The following ADARB2 variants were observed in gnomAD, a reference collection of about 807,000 sequenced individuals.
The protein encoded by ADARB2 is inactive double-stranded RNA-specific editase B2.
A neutral mutation model predicts 62.2 loss-of-function variants in ADARB2; 25 were observed. The ratio of observed to expected loss-of-function variants is 0.40; its 90% CI spans 0.29 to 0.56. The LOEUF is 0.56. Among genes scored for constraint, ADARB2 ranks in the 20% least tolerant of loss-of-function variants. The pLI, the probability that ADARB2 is intolerant of heterozygous loss-of-function variation, is 0.43. For missense variants in ADARB2, 1,071 were observed against 1,077.4 expected (o/e 0.99, Z 0.08); for synonymous variants, 572 against 500.8 (o/e 1.14, Z -1.90).
At chr10:1,333,533 A>C (rs1336106262) in intron 3 of ADARB2, among the ~76,000 whole-genome samples, 1 of 152,164 alleles carries the variant, frequency 6.6e-6, no homozygotes, top group Non-Finnish European at 1.5e-5. Context: ...TAGTCTCTAG[A>C]GGTAATTTTC....
chr10:1,186,403 C>G (rs774530533), intron 8 of ADARB2: 5 of 483,216 alleles, frequency 1.0e-5, no homozygotes, highest in Non-Finnish European at 2.1e-5. Flanking sequence ...CTCCCACTCA[C>G]AGCAGTGGTG....
Position 1,212,326 on chromosome 10 carries a change from T to C in ADARB2, c.1682+4625A>G, listed in dbSNP as rs556988386. On this transcript the variant is annotated intron_variant, in intron 7 of 9. Coordinates refer to ENST00000381312, the MANE Select transcript of ADARB2 (RefSeq NM_018702.4). ...GGTCTGGAATCATTAGCATAACATA[T>C]GCTGCTGCTCAGAAACGGCAAGTGC... 8.5e-5 allele frequency among the ~76,000 whole-genome samples: 13 copies of C among 152,356 alleles called. No homozygotes were observed. In the East Asian group the frequency reaches 2.5e-3, roughly 29 times the overall value.
chr10:1,582,388 C>A (rs1028675346), intron 1 of ADARB2, among the ~76,000 whole-genome samples: 3 of 152,184 alleles, frequency 2.0e-5, no homozygotes, highest in Non-Finnish European at 4.4e-5. Context: ...TAGATCCCTG[C>A]GTTTGACTCC....
intron 1 of ADARB2, among the ~76,000 whole-genome samples, chr10:1,582,280 T>C (rs916376276): frequency 2.0e-5 from 3 of 152,266 alleles, no homozygotes; most frequent in Middle Eastern, 3.4e-3. Flanking sequence ...TACCTGCTGG[T>C]GGCAGAGGGA....
chr10:1,582,605 G>A (rs930626639), intron 1 of ADARB2, among the ~76,000 whole-genome samples: 1 of 152,138 alleles, frequency 6.6e-6, no homozygotes. Context: ...GAATGCAATG[G>A]GTGCACCAAG....
At chr10:1,282,540 T>C (rs1831379682) in intron 3 of ADARB2, among the ~76,000 whole-genome samples, 1 of 152,210 alleles carries the variant, frequency 6.6e-6, no homozygotes, top group Non-Finnish European at 1.5e-5. Flanking sequence ...AGAATTCAGA[T>C]AGGGAGACAT....
intron 1 of ADARB2, among the ~76,000 whole-genome samples, chr10:1,433,106 G>T (rs890737530): frequency 4.6e-5 from 7 of 152,212 alleles, no homozygotes; most frequent in African/African-American, 1.7e-4. Context: ...TAAGCTTTGG[G>T]AATGGAATTA....
chr10:1,342,719 A>C (rs1832041940), intron 3 of ADARB2, among the ~76,000 whole-genome samples: 1 of 152,216 alleles, frequency 6.6e-6, no homozygotes, highest in African/African-American at 2.4e-5. Flanking sequence ...CCTTTTCTGC[A>C]TCTTTGTCCA....
intron 1 of ADARB2, among the ~76,000 whole-genome samples, chr10:1,553,451 C>T (rs574388534): frequency 1.3e-5 from 2 of 152,270 alleles, no homozygotes; most frequent in South Asian, 2.1e-4. Flanking sequence ...TTGGCCTGCT[C>T]CCAGGAAGAG....
intron 1 of ADARB2, among the ~76,000 whole-genome samples, chr10:1,649,760 C>A (rs1834087595): frequency 6.6e-6 from 1 of 152,218 alleles, no homozygotes; most frequent in Non-Finnish European, 1.5e-5. Flanking sequence ...GTTGATGGAG[C>A]TGCTGACTTT....
At chr10:1,737,009 G>T in intron 1 of ADARB2, 42 bp downstream of exon 1, 1 of 1,598,962 alleles carries the variant, frequency 6.3e-7, no homozygotes, top group East Asian at 2.2e-5. Context: ...GAGAAGCCGG[G>T]GGTGAAGGGG....
At chr10:1,455,293 A>T (rs1831083820) in intron 1 of ADARB2, among the ~76,000 whole-genome samples, 2 of 152,346 alleles carry the variant, frequency 1.3e-5, no homozygotes, top group Non-Finnish European at 1.5e-5. Flanking sequence ...AAATGTCTTT[A>T]AAAATAGTCA....
chr10:1,656,506 G>C (rs751498775), intron 1 of ADARB2, among the ~76,000 whole-genome samples: 1 of 151,204 alleles, frequency 6.6e-6, no homozygotes, highest in Non-Finnish European at 1.5e-5. Flanking sequence ...TTGGGGGAAA[G>C]AGAGAGAGGG....
intron 1 of ADARB2, among the ~76,000 whole-genome samples, chr10:1,685,218 G>A (rs991033529): frequency 1.3e-5 from 2 of 152,236 alleles, no homozygotes; most frequent in Admixed American, 6.5e-5. Context: ...GTGAGTGTGT[G>A]TGTGAGTTTG....
At chr10:1,649,106 C>T (rs1257577611) in intron 1 of ADARB2, among the ~76,000 whole-genome samples, 2 of 152,188 alleles carry the variant, frequency 1.3e-5, no homozygotes, top group Non-Finnish European at 2.9e-5. Context: ...GGTGCACAGG[C>T]ACGGACCTCA....
At chr10:1,200,349 A>G (rs1014150233) in intron 7 of ADARB2, 4 of 689,886 alleles carry the variant, frequency 5.8e-6, no homozygotes, top group Admixed American at 4.4e-5. Flanking sequence ...TGGGCTCCAC[A>G]GGCCCATGTG....
intron 8 of ADARB2, chr10:1,186,413 G>A: frequency 2.0e-6 from 1 of 496,070 alleles, no homozygotes; most frequent in Non-Finnish European, 4.0e-6. Flanking sequence ...CAGCAGTGGT[G>A]TTGAGACGCT....
At chr10:1,535,522 A>G (rs909581095) in intron 1 of ADARB2, 1 of 166,886 alleles carries the variant, frequency 6.0e-6, no homozygotes, top group Non-Finnish European at 1.5e-5. Flanking sequence ...ACACTGTCAT[A>G]TTTGTCTTTG....
chr10:1,575,999 GAA>G, intron 1 of ADARB2, among the ~76,000 whole-genome samples: 1 of 29,224 alleles, frequency 3.4e-5, no homozygotes, highest in Non-Finnish European at 8.2e-5. Context: ...TCACTAAAGG[GAA>G]GTTCAGGATC....
Sources: allele counts gnomAD v4.1 joint callset (sites outside exome capture counted in the v4.1 genomes callset), GRCh38; gene constraint gnomAD v4.1.1; transcripts MANE v1.5; gene names NCBI Gene and HGNC (gene_info 2026-07-23, HGNC 2026-07-21).